The following HIBCH variants were observed in gnomAD, a reference collection of about 807,000 sequenced individuals.
HIBCH encodes 3-hydroxyisobutyryl-CoA hydrolase, mitochondrial.
A neutral mutation model predicts 58.2 loss-of-function variants in HIBCH; 50 were observed. That is an observed-to-expected ratio of 0.86 (90% CI 0.68 to 1.09). The LOEUF is 1.09. HIBCH is among the 50% of genes least tolerant of loss of function. The probability of loss-of-function intolerance (pLI) is 0.00; values close to 1 mark genes in which losing one functional copy is unlikely to be tolerated. For missense variants in HIBCH, 450 were observed against 449.7 expected (o/e 1.00, Z -0.01); for synonymous variants, 151 against 146.9 (o/e 1.03, Z -0.20).
chr2:190,246,262 C>G, intron 9 of HIBCH, 50 bp from the exon 10 acceptor site: 1 of 1,067,526 alleles, frequency 9.4e-7, no homozygotes, highest in Non-Finnish European at 1.4e-6. Flanking sequence ...ATTTTTTAAT[C>G]CTTAAAAATT....
chr2:190,308,616 T>C (rs1688476756), intron 2 of HIBCH, among the ~76,000 whole-genome samples: 1 of 152,204 alleles, frequency 6.6e-6, no homozygotes, highest in Non-Finnish European at 1.5e-5. Context: ...CTTAGGACTC[T>C]ACAGAGGTCC....
chr2:190,227,349 G>A (rs1413477853), intron 11 of HIBCH, among the ~76,000 whole-genome samples: 4 of 152,174 alleles, frequency 2.6e-5, no homozygotes, highest in African/African-American at 9.7e-5. Context: ...AATGGTGCTG[G>A]GAAAACTGGC....
chr2:190,275,264 G>A (rs1208202701), intron 6 of HIBCH, among the ~76,000 whole-genome samples: 1 of 152,110 alleles, frequency 6.6e-6, no homozygotes, highest in Non-Finnish European at 1.5e-5. Context: ...ATTCAGTTGG[G>A]GAGGGAAACA....
downstream of HIBCH, chr2:190,200,145 T>C: frequency 6.2e-7 from 1 of 1,613,286 alleles, no homozygotes; most frequent in Non-Finnish European, 8.5e-7. Flanking sequence ...GTGAGGGGCC[T>C]TGAGGCTGTA....
rs144688895 is a variant in HIBCH, at chr2:190,273,544, T to C, written c.439-12310A>G. Among the ~76,000 whole-genome samples the C allele has an allele frequency of 6.9e-3, 1,051 of 152,284 alleles. 13 individuals are homozygous for C. The highest frequency in any genetic ancestry group is 0.022 in the African/African-American group (935 of 41,558). On this transcript the variant is annotated intron_variant, in intron 6 of 13. Coordinates refer to ENST00000359678, the MANE Select transcript of HIBCH (RefSeq NM_014362.4). ...GATATCCATCCACACTTGGAGAAAG[T>C]TGAATAATCAATATAGATAAAAACG...
intron 2 of HIBCH, among the ~76,000 whole-genome samples, chr2:190,297,632 G>A (rs996637619): frequency 1.3e-5 from 2 of 152,112 alleles, no homozygotes; most frequent in African/African-American, 4.8e-5. Context: ...TTAATCACCA[G>A]GTCTCACTGC....
At chr2:190,314,309 GTGTATA>G (rs1481320340) in intron 1 of HIBCH, among the ~76,000 whole-genome samples, 2 of 10,204 alleles carry the variant, frequency 2.0e-4, no homozygotes, top group Non-Finnish European at 1.1e-3. Context: ...ACATATATAT[GTGTATA>G]TATATGTATA....
Position 190,236,968 on chromosome 2 carries a change from T to TGCCAGTG in HIBCH, c.891+7918_891+7919insCACTGGC, listed in dbSNP as rs1686292438. On this transcript the variant is annotated intron_variant, in intron 11 of 13. Coordinates refer to ENST00000359678, the MANE Select transcript of HIBCH (RefSeq NM_014362.4). This position sits in a 1 kb window ranked among gnomAD's most constrained non-coding sequence, Gnocchi z 4.1. ...TACTCTTTCCCCAAAGCACAATGTA[T>TGCCAGTG]CCATCAACACTGGCATTAAATTGCT... Among the ~76,000 whole-genome samples the TGCCAGTG allele has an allele frequency of 6.6e-6, 1 of 152,182 alleles. No homozygotes were observed. Among genetic ancestry groups the TGCCAGTG allele is most frequent in the South Asian group, 2.1e-4 (1 of 4,832 alleles).
chr2:190,217,858 G>A lies in HIBCH; in HGVS notation c.892-4783C>T, dbSNP rs1016640560. Among the ~76,000 whole-genome samples the A allele has an allele frequency of 2.0e-5, 3 of 152,100 alleles. No individual in the cohort carries two copies. Among genetic ancestry groups the A allele is most frequent in the African/African-American group, 7.2e-5 (3 of 41,416 alleles). On this transcript the variant is annotated intron_variant, in intron 11 of 13. Transcript: ENST00000359678. This position sits in a 1 kb window ranked among gnomAD's most constrained non-coding sequence, Gnocchi z 4.6. Reference sequence around the variant, plus strand: ...GGTAAAAGAACCCCTGAAAGAAAGGGAAAAGAGTGAATAGGGAATGTATAA... The same window carrying A: ...GGTAAAAGAACCCCTGAAAGAAAGGAAAAAGAGTGAATAGGGAATGTATAA...
At chr2:190,193,878 A>G (rs1250445886) in intron 1 of HIBCH, among the ~76,000 whole-genome samples, 4 of 152,138 alleles carry the variant, frequency 2.6e-5, no homozygotes, top group East Asian at 1.9e-4. Context: ...GTGAAAGCTT[A>G]TATCACTGAT....
At chr2:190,208,343 G>A (rs1690440778) in intron 13 of HIBCH, among the ~76,000 whole-genome samples, 1 of 152,104 alleles carries the variant, frequency 6.6e-6, no homozygotes, top group African/African-American at 2.4e-5. Flanking sequence ...GGTAATAAAT[G>A]CATGTTTCAA....
intron 6 of HIBCH, among the ~76,000 whole-genome samples, chr2:190,273,809 C>A (rs1428657985): frequency 1.3e-5 from 2 of 152,126 alleles, no homozygotes; most frequent in Non-Finnish European, 1.5e-5. Flanking sequence ...TATTTCATCT[C>A]TTCTTTCATA....
chr2:190,276,171 A>G (rs981172237), intron 6 of HIBCH, among the ~76,000 whole-genome samples: 11 of 152,210 alleles, frequency 7.2e-5, no homozygotes, highest in African/African-American at 2.4e-4. Context: ...CGCTCAAGGC[A>G]GGTTGCTGGT....
chr2:190,229,158 T>C (rs746202435), intron 11 of HIBCH, among the ~76,000 whole-genome samples: 3 of 152,210 alleles, frequency 2.0e-5, no homozygotes, highest in Admixed American at 6.5e-5. Flanking sequence ...ATTGGTTCTA[T>C]TTCTCTGGAG....
chr2:190,239,298 C>T lies in HIBCH; in HGVS notation c.891+5589G>A, dbSNP rs560827346. Among the ~76,000 whole-genome samples the T allele has an allele frequency of 8.5e-5, 13 of 152,210 alleles. No individual in the cohort carries two copies. The South Asian group carries it at 2.3e-3, about 27-fold the overall frequency. On this transcript the variant is annotated intron_variant, in intron 11 of 13. Coordinates refer to ENST00000359678, the MANE Select transcript of HIBCH (RefSeq NM_014362.4). The stretch of plus-strand genomic sequence containing the variant: ...TAGGTGTGTGGTGTTATTTCTGAGG[C>T]CTCTGTTCTGTTCCATTGGTCTATA...
At position 190,279,251 on chromosome 2, in the gene HIBCH, CT is replaced by C. The variant is rs151090337; in HGVS notation, c.438+8334del. ...CTCTACCCTCATGACCCCATCACCT[CT>C]TGAAGGCCTCACTTCTTAATACTGT... On this transcript the variant is annotated intron_variant, in intron 6 of 13. Transcript: ENST00000359678. The surrounding 1 kb of genome is among the most constrained non-coding windows in gnomAD (Gnocchi z 4.2). 6.7e-3 allele frequency among the ~76,000 whole-genome samples: 1,026 copies of C among 152,308 alleles called. 12 individuals are homozygous for C. The highest frequency in any genetic ancestry group is 0.022 in the African/African-American group (932 of 41,562).
intron 6 of HIBCH, among the ~76,000 whole-genome samples, chr2:190,265,020 G>C (rs1249962855): frequency 1.3e-5 from 2 of 151,452 alleles, no homozygotes; most frequent in Non-Finnish European, 2.9e-5. Context: ...CTACTCGGGA[G>C]GCTGAGGCAG....
In HIBCH at chr2:190,206,535, C is replaced by G. The variant is rs1289190626; in HGVS notation, c.1046-1303G>C. Among the ~76,000 whole-genome samples the G allele has an allele frequency of 6.6e-6, 1 of 152,162 alleles. No homozygotes were observed. Among genetic ancestry groups the G allele is most frequent in the Non-Finnish European group, 1.5e-5 (1 of 68,036 alleles). On this transcript the variant is annotated intron_variant, in intron 13 of 13. Coordinates refer to ENST00000359678, the MANE Select transcript of HIBCH (RefSeq NM_014362.4). This position sits in a 1 kb window ranked among gnomAD's most constrained non-coding sequence, Gnocchi z 5.1. ...ATACAAGTTCGTGCCATGTAGGCAG[C>G]TCAGGTTTTGCAAGTCTCCTGAGAT...
chr2:190,230,085 A>C (rs1686048863), intron 11 of HIBCH, among the ~76,000 whole-genome samples: 1 of 152,092 alleles, frequency 6.6e-6, no homozygotes, highest in African/African-American at 2.4e-5. Flanking sequence ...CCCCATTCTA[A>C]TCAGTAAAAT....
Sources: allele counts gnomAD v4.1 joint callset (sites outside exome capture counted in the v4.1 genomes callset), GRCh38; gene constraint gnomAD v4.1.1; non-coding constraint Gnocchi (gnomAD v3.1); transcripts MANE v1.5; gene names NCBI Gene and HGNC (gene_info 2026-07-23, HGNC 2026-07-21).